Variants in BRINP3 observed in about 807,000 individuals in gnomAD.
The protein encoded by BRINP3 is BMP/retinoic acid-inducible neural-specific protein 3.
BRINP3 carries 19 observed loss-of-function variants against 71.0 expected under a neutral mutation model. That is an observed-to-expected ratio of 0.27 (90% confidence interval 0.19 to 0.39). BRINP3 has a LOEUF of 0.39. Among genes scored for constraint, BRINP3 ranks in the 10% least tolerant of loss-of-function variants. The pLI is 1.00. For synonymous variants in BRINP3, 380 were observed against 337.7 expected (o/e 1.13, Z -1.37); for missense variants, 959 against 940.8 (o/e 1.02, Z -0.25).
intron 3 of BRINP3, among the ~76,000 whole-genome samples, chr1:190,272,481 G>T (rs1053092510): frequency 6.6e-6 from 1 of 151,448 alleles, no homozygotes; most frequent in African/African-American, 2.4e-5. Context: ...TATCTGGGAA[G>T]ATTAAATAAT....
At chr1:190,237,209 G>A (rs973109766) in intron 4 of BRINP3, among the ~76,000 whole-genome samples, 6 of 151,246 alleles carry the variant, frequency 4.0e-5, no homozygotes, top group African/African-American at 1.5e-4. Flanking sequence ...ATTTTATTTT[G>A]TTCTCTATTC....
At chr1:190,353,734 C>T (rs575478597) in intron 2 of BRINP3, among the ~76,000 whole-genome samples, 6 of 152,054 alleles carry the variant, frequency 3.9e-5, no homozygotes, top group Admixed American at 1.3e-4. Context: ...CTTATTGTCA[C>T]TCCTCCATCA....
intron 2 of BRINP3, among the ~76,000 whole-genome samples, chr1:190,369,900 C>A (rs142227450): frequency 1.0e-3 from 153 of 152,042 alleles, no homozygotes; most frequent in African/African-American, 3.5e-3. Flanking sequence ...TAAAAAGGAA[C>A]CTGAATAAAT....
At chr1:190,166,173 T>C (rs2102479494) in intron 6 of BRINP3, among the ~76,000 whole-genome samples, 1 of 152,292 alleles carries the variant, frequency 6.6e-6, no homozygotes, top group East Asian at 1.9e-4. Flanking sequence ...ACTATAATGC[T>C]GCATAAAGTA....
At chr1:190,288,889 A>G (rs1006672323) in intron 2 of BRINP3, among the ~76,000 whole-genome samples, 3 of 152,002 alleles carry the variant, frequency 2.0e-5, no homozygotes, top group African/African-American at 7.2e-5. Context: ...GCTCATAAAG[A>G]TAGGTAAATG....
intron 2 of BRINP3, among the ~76,000 whole-genome samples, chr1:190,344,028 C>T (rs927498348): frequency 6.6e-6 from 1 of 151,402 alleles, no homozygotes; most frequent in Non-Finnish European, 1.5e-5. Flanking sequence ...AAAAAATATA[C>T]AAAAAGTAAA....
At chr1:190,114,356 A>T (rs1020260254) in intron 7 of BRINP3, among the ~76,000 whole-genome samples, 1 of 152,120 alleles carries the variant, frequency 6.6e-6, no homozygotes, top group Non-Finnish European at 1.5e-5. Context: ...ACCCAGTCTC[A>T]GGTATTTATA....
chr1:190,418,364 T>C (rs897352889), intron 2 of BRINP3, among the ~76,000 whole-genome samples: 1 of 152,172 alleles, frequency 6.6e-6, no homozygotes, highest in Non-Finnish European at 1.5e-5. Context: ...ATTCTTTTTA[T>C]GAATTAAAAT....
chr1:190,391,427 A>T (rs941560578), intron 2 of BRINP3, among the ~76,000 whole-genome samples: 1 of 151,862 alleles, frequency 6.6e-6, no homozygotes, highest in African/African-American at 2.4e-5. Flanking sequence ...ACTTAGTATC[A>T]TTAGCATTTT....
Position 190,454,646 on chromosome 1 carries a change from G to C in BRINP3, c.236+9C>G, listed in dbSNP as rs1365701596. ...ATATTTCTGTAATTGCTTTCCCTTT[G>C]CTTCATACCTGTATATCTTGTATCT... On this transcript the variant is annotated intron_variant, in intron 2 of 7. Coordinates refer to ENST00000367462, the MANE Select transcript of BRINP3 (RefSeq NM_199051.3). 2 of 1,605,676 alleles carry C rather than the reference G, an allele frequency of 1.2e-6. No homozygotes were observed. The highest frequency in any genetic ancestry group is 1.7e-6 in the Non-Finnish European group (2 of 1,173,318).
At chr1:190,458,880 A>C (rs898074717) in intron 1 of BRINP3, among the ~76,000 whole-genome samples, 4 of 151,972 alleles carry the variant, frequency 2.6e-5, no homozygotes, top group Admixed American at 6.6e-5. Context: ...TAAAGAGATG[A>C]GAACATCAAT....
intron 2 of BRINP3, among the ~76,000 whole-genome samples, chr1:190,311,653 T>A (rs1558170582): frequency 6.6e-6 from 1 of 151,504 alleles, no homozygotes; most frequent in Non-Finnish European, 1.5e-5. Context: ...GTTAATTTTT[T>A]CTGTGGGAAA....
chr1:190,375,164 A>G (rs1473665822), intron 2 of BRINP3, among the ~76,000 whole-genome samples: 1 of 152,004 alleles, frequency 6.6e-6, no homozygotes, highest in Non-Finnish European at 1.5e-5. Flanking sequence ...TAATTTAGGA[A>G]ATAAAGGAGT....
intron 2 of BRINP3, among the ~76,000 whole-genome samples, chr1:190,378,456 T>C (rs1670318448): frequency 6.6e-6 from 1 of 152,178 alleles, no homozygotes; most frequent in South Asian, 2.1e-4. Context: ...TGCCCTGGGT[T>C]GTCTTTTGAA....
intron 1 of BRINP3, chr1:190,474,413 T>C (rs1361062136): frequency 1.3e-5 from 2 of 152,612 alleles, no homozygotes; most frequent in Non-Finnish European, 2.9e-5. Context: ...CTTACCTGCT[T>C]AACTGCATGA....
chr1:190,477,072 T>A (rs761057463), intron 1 of BRINP3, among the ~76,000 whole-genome samples: 6 of 152,210 alleles, frequency 3.9e-5, no homozygotes, highest in Non-Finnish European at 7.3e-5. Context: ...TCAGAAGGTC[T>A]CTTTTAAGCT....
chr1:190,144,139 T>G (rs998855515), intron 7 of BRINP3, among the ~76,000 whole-genome samples: 2 of 152,004 alleles, frequency 1.3e-5, no homozygotes, highest in African/African-American at 4.8e-5. Flanking sequence ...GCCAAGAAAA[T>G]TACAGGAAAT....
At chr1:190,238,190 T>A (rs1312551248) in intron 4 of BRINP3, among the ~76,000 whole-genome samples, 3 of 152,040 alleles carry the variant, frequency 2.0e-5, no homozygotes, top group African/African-American at 7.2e-5. Flanking sequence ...TTTTTAATCA[T>A]TCAAAAAACT....
chr1:190,187,921 T>A (rs1653682274), intron 6 of BRINP3, among the ~76,000 whole-genome samples: 1 of 152,028 alleles, frequency 6.6e-6, no homozygotes, highest in African/African-American at 2.4e-5. Flanking sequence ...TGAAAAATCT[T>A]ATTGATATTT....
Sources: gnomAD v4.1 joint callset for allele counts (sites outside exome capture counted in the v4.1 genomes callset) on GRCh38, gnomAD v4.1.1 for gene constraint, MANE v1.5 for transcripts, NCBI Gene and HGNC (gene_info 2026-07-23, HGNC 2026-07-21) for gene names.